WWOX: variants seen among roughly 807,000 people sequenced by gnomAD.
The protein encoded by WWOX is WW domain containing oxidoreductase.
Under a neutral mutation model 46.2 loss-of-function variants are expected in WWOX, and 69 were observed. The observed-to-expected ratio is 1.49, with a 90% CI of 1.23 to 1.82. The LOEUF (loss-of-function observed/expected upper bound fraction) is 1.82. WWOX is among the 40% of genes most tolerant of loss of function. The pLI, the probability that WWOX is intolerant of heterozygous loss-of-function variation, is 0.00. For missense variants in WWOX, 919 were observed against 542.6 expected, an observed-to-expected ratio of 1.69 and a Z score of -6.89; for synonymous variants, 359 against 202.6, an observed-to-expected ratio of 1.77 and a Z score of -6.56.
At position 78,556,362 on chromosome 16, in the gene WWOX, C is replaced by G. The variant is rs190485095; in HGVS notation, c.1056+123610C>G. ...CTGTCAGGATCTGGTTCAAGGAAGG[C>G]AAAGGGAATTTTATCACCAACTGGG... On this transcript the variant is annotated intron_variant, in intron 8 of 8. Coordinates refer to ENST00000566780, the MANE Select transcript of WWOX (RefSeq NM_016373.4). 5.8e-4 allele frequency among the ~76,000 whole-genome samples: 88 copies of G among 151,920 alleles called. 1 individual carries two copies. Among genetic ancestry groups the G allele is most frequent in the African/African-American group, 2.0e-3 (82 of 41,422 alleles).
chr16:78,622,746 C>T (rs150294977), intron 8 of WWOX, among the ~76,000 whole-genome samples: 161 of 152,158 alleles, frequency 1.1e-3, no homozygotes, highest in Non-Finnish European at 1.2e-3. Context: ...TGTTTAGATT[C>T]GGTTACACTA....
At chr16:78,831,225 C>T (rs975821449) in intron 8 of WWOX, among the ~76,000 whole-genome samples, 14 of 151,818 alleles carry the variant, frequency 9.2e-5, no homozygotes, top group African/African-American at 3.4e-4. Flanking sequence ...CATGTTTTCC[C>T]TCCAGCCCTC....
intron 8 of WWOX, among the ~76,000 whole-genome samples, chr16:78,820,828 A>G (rs1366561191): frequency 1.3e-5 from 2 of 152,140 alleles, no homozygotes; most frequent in African/African-American, 4.8e-5. Context: ...AAACCATGCC[A>G]TGCCTGTCTC....
At chr16:78,776,903 A>G (rs1050051363) in intron 8 of WWOX, among the ~76,000 whole-genome samples, 8 of 152,140 alleles carry the variant, frequency 5.3e-5, no homozygotes, top group African/African-American at 1.9e-4. Flanking sequence ...GTCACCTCCT[A>G]CCAGGTCTCT....
intron 5 of WWOX, among the ~76,000 whole-genome samples, chr16:78,257,411 T>C (rs2038161423): frequency 1.3e-5 from 2 of 152,194 alleles, no homozygotes; most frequent in African/African-American, 4.8e-5. Context: ...CATTTGACAG[T>C]TACAGGCTCC....
At chr16:79,165,492 C>A (rs1011083865) in intron 8 of WWOX, among the ~76,000 whole-genome samples, 7 of 152,178 alleles carry the variant, frequency 4.6e-5, no homozygotes, top group Non-Finnish European at 7.3e-5. Context: ...AGAGCAAATT[C>A]AGCATAGACC....
chr16:78,392,814 C>T (rs2082204847), intron 6 of WWOX, among the ~76,000 whole-genome samples: 1 of 152,108 alleles, frequency 6.6e-6, no homozygotes, highest in Admixed American at 6.5e-5. Flanking sequence ...TCTTCAGGCC[C>T]AGCACGTCCT....
intron 8 of WWOX, among the ~76,000 whole-genome samples, chr16:78,801,997 G>T (rs1309640271): frequency 6.6e-6 from 1 of 152,132 alleles, no homozygotes; most frequent in Non-Finnish European, 1.5e-5. Flanking sequence ...GAGATGATGT[G>T]TGGAAAGGGC....
At chr16:78,455,469 C>T (rs1046216064) in intron 8 of WWOX, among the ~76,000 whole-genome samples, 3 of 151,518 alleles carry the variant, frequency 2.0e-5, no homozygotes, top group African/African-American at 7.3e-5. Context: ...GGTGAAATGC[C>T]ATCTCTACTA....
intron 8 of WWOX, among the ~76,000 whole-genome samples, chr16:78,733,995 G>A (rs896444329): frequency 3.9e-5 from 6 of 151,932 alleles, no homozygotes; most frequent in African/African-American, 1.2e-4. Flanking sequence ...AGGTAGCCGA[G>A]GCTCCAGTGA....
chr16:78,971,648 C>G (rs1182337286), intron 8 of WWOX, among the ~76,000 whole-genome samples: 2 of 151,782 alleles, frequency 1.3e-5, no homozygotes, highest in Non-Finnish European at 2.9e-5. Context: ...TACAATATCC[C>G]TTATATTCCT....
chr16:78,841,814 T>C (rs964296306), intron 8 of WWOX, among the ~76,000 whole-genome samples: 21 of 152,228 alleles, frequency 1.4e-4, no homozygotes, highest in Non-Finnish European at 2.5e-4. Context: ...TTGCTAATTA[T>C]GTGTGTGGGT....
At chr16:79,056,421 C>T (rs1276660987) in intron 8 of WWOX, among the ~76,000 whole-genome samples, 1 of 152,120 alleles carries the variant, frequency 6.6e-6, no homozygotes, top group Non-Finnish European at 1.5e-5. Context: ...TGTGCCTTGT[C>T]CTGTGGTTTA....
intron 8 of WWOX, among the ~76,000 whole-genome samples, chr16:78,831,006 G>A (rs543095863): frequency 6.6e-6 from 1 of 152,234 alleles, no homozygotes; most frequent in Non-Finnish European, 1.5e-5. Context: ...TGATGCAGCA[G>A]TAATCACAGT....
rs146371940 is a variant in WWOX, at chr16:79,092,114, G to T, written c.1057-119494G>T. Among the ~76,000 whole-genome samples, 199 of 152,240 alleles carry T rather than the reference G, an allele frequency of 1.3e-3. 1 individual carries two copies. The highest frequency in any genetic ancestry group is 4.6e-3 in the African/African-American group (192 of 41,532). On this transcript the variant is annotated intron_variant, in intron 8 of 8. Coordinates refer to ENST00000566780, the MANE Select transcript of WWOX (RefSeq NM_016373.4). ...TTCTTTTAAAGAAATGTGTAATTCAGATCAGTCTTGCTTTCAGGTAGTCTG... is the reference window on the plus strand; with the variant it reads ...TTCTTTTAAAGAAATGTGTAATTCATATCAGTCTTGCTTTCAGGTAGTCTG...
intron 8 of WWOX, among the ~76,000 whole-genome samples, chr16:79,051,926 C>T (rs143779391): frequency 0.024 from 3,678 of 152,346 alleles, 158 homozygotes; most frequent in African/African-American, 0.084. Flanking sequence ...AGGTCATAGC[C>T]TGTTCCTCTT....
At chr16:78,676,784 T>C (rs936285703) in intron 8 of WWOX, among the ~76,000 whole-genome samples, 11 of 152,250 alleles carry the variant, frequency 7.2e-5, no homozygotes, top group Admixed American at 2.6e-4. Flanking sequence ...TGAAGTGCTT[T>C]GCTCATTCTT....
chr16:78,462,934 A>G (rs1015302098), intron 8 of WWOX, among the ~76,000 whole-genome samples: 34 of 152,168 alleles, frequency 2.2e-4, no homozygotes, highest in African/African-American at 8.0e-4. Context: ...ATACTACAGT[A>G]ACCTTTTCCC....
At chr16:79,074,429 T>TTTTTTTTTTTTTTTTTG in intron 8 of WWOX, among the ~76,000 whole-genome samples, 1 of 132,688 alleles carries the variant, frequency 7.5e-6, no homozygotes, top group East Asian at 2.2e-4. Flanking sequence ...TTTTTTTTTT[T>TTTTTTTTTTTTTTTTTG]TTTTTTTTTT....
Sources: gnomAD v4.1 joint callset for allele counts (sites outside exome capture counted in the v4.1 genomes callset) on GRCh38, gnomAD v4.1.1 for gene constraint, MANE v1.5 for transcripts, NCBI Gene and HGNC (gene_info 2026-07-23, HGNC 2026-07-21) for gene names.